CA5A: variants seen among roughly 807,000 people sequenced by gnomAD.
CA5A encodes carbonic anhydrase 5A, also known as carbonic anhydrase 5A, mitochondrial.
Under a neutral mutation model 37.1 loss-of-function variants are expected in CA5A, and 28 were observed. That is an observed-to-expected ratio of 0.75 (90% CI 0.56 to 1.03). The LOEUF is 1.03. Ranked by LOEUF, CA5A falls within the 50% of genes least tolerant of loss-of-function variation. CA5A has a pLI of 0.00. For missense variants in CA5A, 444 were observed against 399.9 expected (o/e 1.11, Z -0.94); for synonymous variants, 171 against 158.4 (o/e 1.08, Z -0.60).
At chr16:87,885,890 T>A (rs1473651704), downstream of CA5A, 6 of 152,246 alleles carry the variant, frequency 3.9e-5, no homozygotes, top group African/African-American at 1.4e-4. Context: ...ATGGTCTACC[T>A]CCTTCCATCA....
At chr16:87,935,312 G>A (rs2056456690) in intron 1 of CA5A, among the ~76,000 whole-genome samples, 1 of 152,256 alleles carries the variant, frequency 6.6e-6, no homozygotes, top group African/African-American at 2.4e-5. Context: ...CACTGACCAT[G>A]AAGCCAGGAG....
chr16:87,909,648 C>T (rs2056022214), intron 2 of CA5A, among the ~76,000 whole-genome samples: 1 of 152,172 alleles, frequency 6.6e-6, no homozygotes, highest in Non-Finnish European at 1.5e-5. Flanking sequence ...ATTCCACAGG[C>T]TCCTCTTCAG....
At chr16:87,926,481 G>A (rs2056312813) in intron 2 of CA5A, among the ~76,000 whole-genome samples, 1 of 152,228 alleles carries the variant, frequency 6.6e-6, no homozygotes. Flanking sequence ...CCCACGGGAA[G>A]GGGATTTTCT....
At chr16:87,924,913 C>T (rs1033767233) in intron 2 of CA5A, among the ~76,000 whole-genome samples, 1 of 152,202 alleles carries the variant, frequency 6.6e-6, no homozygotes, top group African/African-American at 2.4e-5. Flanking sequence ...CGATTCTCTC[C>T]CTGCAGCCTT....
rs539806502 is a variant in CA5A at position 87,891,951 on chromosome 16, C to T, written c.622G>A (p.Ala208Thr). 3.9e-5 allele frequency: 60 copies of T among 1,534,222 alleles called. No individual in the cohort carries two copies. The East Asian group carries it at 1.4e-3, about 37-fold the overall frequency. The change falls in exon 6 of 7, where the codon GCG becomes ACG. Residue 208 changes from alanine (A) to threonine (T), a missense_variant. Physicochemically the swap from Ala to Thr is moderately conservative, Grantham distance 58 (BLOSUM62 0). Transcript: ENST00000649794. ...TCGAAGGGGCGCATGGCCGCCCGCG[C>T]GTCCTGAGAGACCGAGAAGCACAGG... Reference protein sequence around the residue: ...DILPEIKHKDARAAMRPFDPS... With the variant: ...DILPEIKHKDTRAAMRPFDPS...
chr16:87,891,039 C>A (rs977110080), intron 6 of CA5A, among the ~76,000 whole-genome samples: 44 of 151,978 alleles, frequency 2.9e-4, no homozygotes, highest in African/African-American at 1.1e-3. Flanking sequence ...AGTGATCTGG[C>A]TGCCTTGGCC....
intron 6 of CA5A, among the ~76,000 whole-genome samples, chr16:87,888,669 G>A (rs2055672069): frequency 6.6e-6 from 1 of 152,100 alleles, no homozygotes; most frequent in Non-Finnish European, 1.5e-5. Flanking sequence ...GCTGACACTG[G>A]GCTACAATTC....
chr16:87,888,913 C>T (rs866162510), intron 6 of CA5A, among the ~76,000 whole-genome samples: 89 of 148,392 alleles, frequency 6.0e-4, no homozygotes, highest in African/African-American at 1.7e-3. Flanking sequence ...CCACCACGCC[C>T]GGCTAATTTT....
At chr16:87,927,039 C>T (rs927971191) in intron 1 of CA5A, 94 bp from the exon 2 acceptor site, 18 of 866,332 alleles carry the variant, frequency 2.1e-5, no homozygotes, top group Middle Eastern at 3.5e-4. Context: ...CGAGACCCCT[C>T]ACGTCCTGGC....
chr16:87,908,458 T>C (rs1330428955), intron 2 of CA5A, among the ~76,000 whole-genome samples: 1 of 152,164 alleles, frequency 6.6e-6, no homozygotes, highest in Non-Finnish European at 1.5e-5. Flanking sequence ...TTTCTCCTGG[T>C]CCCAGCTCAA....
intron 1 of CA5A, among the ~76,000 whole-genome samples, chr16:87,930,896 A>G: frequency 6.6e-6 from 1 of 151,794 alleles, no homozygotes; most frequent in African/African-American, 2.4e-5. Context: ...ATGTGCCACC[A>G]CGCCTGGGGA....
chr16:87,931,401 T>C (rs2056402988), intron 1 of CA5A, among the ~76,000 whole-genome samples: 1 of 152,208 alleles, frequency 6.6e-6, no homozygotes, highest in Admixed American at 6.5e-5. Flanking sequence ...CATAAACCAC[T>C]GTGCCTGACC....
chr16:87,910,419 G>A (rs1044671743), intron 2 of CA5A, among the ~76,000 whole-genome samples: 2 of 152,158 alleles, frequency 1.3e-5, no homozygotes, highest in African/African-American at 2.4e-5. Flanking sequence ...ACGCAGAGAG[G>A]TTCGGTCACC....
chr16:87,890,865 G>C (rs1417725861), intron 6 of CA5A, among the ~76,000 whole-genome samples: 1 of 151,982 alleles, frequency 6.6e-6, no homozygotes, highest in Non-Finnish European at 1.5e-5. Flanking sequence ...CGTGATCTCA[G>C]CTCACTGCAG....
rs58800453 is a variant in CA5A, at chr16:87,888,048, G to A, written c.*81C>T. 293,053 of 1,509,510 alleles carry A rather than the reference G, an allele frequency of 0.19. 29,446 individuals are homozygous for A. Among genetic ancestry groups the A allele is most frequent in the South Asian group, 0.25 (18,998 of 74,974 alleles). 93.5% of individuals were successfully genotyped at this position (1,509,510 alleles called of 1,614,324 possible). ...CTCTCTTTTTAATTTCAGAAGTCAT[G>A]TACAATCACATTGTGAAACTTGGGA... On this transcript the variant is annotated 3_prime_UTR_variant, in exon 7 of 7. Coordinates refer to ENST00000649794, the MANE Select transcript of CA5A (RefSeq NM_001739.2).
At chr16:87,905,937 T>C (rs4843733) in intron 2 of CA5A, among the ~76,000 whole-genome samples, 51,702 of 152,168 alleles carry the variant, frequency 0.34, 9,385 homozygotes, top group African/African-American at 0.48. Flanking sequence ...CCTCTGGCTC[T>C]GGCCCCCAGA....
In CA5A at chr16:87,936,526, C is replaced by T; in HGVS notation, c.-76G>A. On this transcript the variant is annotated 5_prime_UTR_variant, in exon 1 of 7. Coordinates refer to ENST00000649794, the MANE Select transcript of CA5A (RefSeq NM_001739.2). ...TGTCTGTTCTCACTTTGATCAGGAC[C>T]ACTGTGGACTGGCGTGTACCCACCT... 1 of 1,579,678 alleles carries T rather than the reference C, an allele frequency of 6.3e-7. No individual in the cohort carries two copies. The highest frequency in any genetic ancestry group is 8.6e-7 in the Non-Finnish European group (1 of 1,158,638).
At chr16:87,935,329 G>A (rs551250881) in intron 1 of CA5A, among the ~76,000 whole-genome samples, 1 of 152,330 alleles carries the variant, frequency 6.6e-6, no homozygotes, top group South Asian at 2.1e-4. Flanking sequence ...GGAGGGGCTG[G>A]CACGGGGCAG....
At chr16:87,934,394 C>G (rs1011599027) in intron 1 of CA5A, among the ~76,000 whole-genome samples, 4 of 152,012 alleles carry the variant, frequency 2.6e-5, no homozygotes, top group African/African-American at 9.7e-5. Flanking sequence ...CATGGAGAAT[C>G]CCTGTATCTA....
Sources: gnomAD v4.1 joint callset for allele counts (sites outside exome capture counted in the v4.1 genomes callset) on GRCh38, gnomAD v4.1.1 for gene constraint, MANE v1.5 for transcripts, NCBI Gene and HGNC (gene_info 2026-07-23, HGNC 2026-07-21) for gene names.